LRCH2: variants seen among roughly 807,000 people sequenced by gnomAD.
LRCH2 encodes the protein leucine rich repeats and calponin homology domain containing 2.
A neutral mutation model predicts 68.9 loss-of-function variants in LRCH2; 38 were observed. The ratio of observed to expected loss-of-function variants is 0.55; its 90% CI spans 0.43 to 0.72. The LOEUF (loss-of-function observed/expected upper bound fraction) is 0.72, where lower values mean the gene tolerates loss of function less well. LRCH2 is among the 30% of genes least tolerant of loss of function. LRCH2 has a pLI of 0.00. For missense variants in LRCH2, 528 were observed against 572.9 expected (o/e 0.92, Z 0.80); for synonymous variants, 191 against 208.1 (o/e 0.92, Z 0.71).
At chrX:115,181,846 T>C (rs1556552835) in intron 3 of LRCH2, among the ~76,000 whole-genome samples, 1 of 111,681 alleles carries the variant, frequency 9.0e-6, no homozygotes, top group Non-Finnish European at 1.9e-5. Context: ...GTCCTCTGTA[T>C]CCATGGGTTC....
intron 11 of LRCH2, 98 bp from the exon 12 acceptor site, chrX:115,156,765 A>G: frequency 2.3e-6 from 1 of 427,300 alleles, no homozygotes; most frequent in Non-Finnish European, 3.8e-6. Context: ...CTGGTCCTTG[A>G]AGATCTTTGC....
intron 12 of LRCH2, among the ~76,000 whole-genome samples, chrX:115,155,020 G>A (rs192287697): frequency 2.2e-4 from 17 of 76,945 alleles, no homozygotes; most frequent in African/African-American, 7.8e-4. Context: ...CAGCCTGGGC[G>A]ACAGAGCAAG....
chrX:115,209,321 G>A lies in LRCH2; in HGVS notation c.350-20951C>T, dbSNP rs782009905. ...TCCCACGTGTTGTGGGAGGGACCTG[G>A]TGGGAGTTAATTGAATCACAGGGGC... On this transcript the variant is annotated intron_variant, in intron 1 of 20. Coordinates refer to ENST00000317135, the MANE Select transcript of LRCH2 (RefSeq NM_020871.4). 2.7e-5 allele frequency among the ~76,000 whole-genome samples: 3 copies of A among 112,010 alleles called. No individual in the cohort carries two copies. In the South Asian group the frequency reaches 1.1e-3, roughly 42 times the overall value.
At chrX:115,171,629 A>G (rs374393092) in intron 5 of LRCH2, among the ~76,000 whole-genome samples, 1 of 110,822 alleles carries the variant, frequency 9.0e-6, no homozygotes, top group Admixed American at 9.6e-5. Flanking sequence ...AAATAATTAC[A>G]AAGCTGACAA....
At chrX:115,233,637 C>A in intron 1 of LRCH2, 56 bp downstream of exon 1, 1 of 1,066,313 alleles carries the variant, frequency 9.4e-7, no homozygotes, top group Middle Eastern at 3.5e-4. Context: ...CACGCAGCCA[C>A]CCACTCCCCG....
intron 1 of LRCH2, among the ~76,000 whole-genome samples, chrX:115,220,593 A>G (rs2073071863): frequency 1.8e-5 from 2 of 111,699 alleles, no homozygotes; most frequent in Non-Finnish European, 1.9e-5. Flanking sequence ...GACATGCTAA[A>G]ACACAATTTT....
Position 115,179,657 on chromosome X carries a change from A to C in LRCH2, c.716T>G (p.Val239Gly), listed in dbSNP as rs2072676877. 1 of 1,139,786 alleles carries C rather than the reference A, an allele frequency of 8.8e-7. No homozygotes were observed. Among genetic ancestry groups the C allele is most frequent in the South Asian group, 2.2e-5 (1 of 46,452 alleles). 93.9% of individuals were successfully genotyped at this position (1,139,786 alleles called of 1,213,427 possible). A position where few individuals can be genotyped will look rare whatever the true frequency, so the allele number is the denominator to read the frequency against. ...AGTGAACATCTTACCATCTGGCAAA[A>C]CATGAAGATTATTTCTTCTTATATT... Reference protein sequence around the residue: ...ELNIRRNNLHVLPDELGDLPL... With the variant: ...ELNIRRNNLHGLPDELGDLPL... Residue 239 changes from valine (V) to glycine (G), a missense_variant, in exon 4 of 21, where the codon GTT (valine) becomes GGT (glycine). Val to Gly is a moderately radical substitution (Grantham distance 109). Transcript: ENST00000317135.
rs782055624 is a variant in LRCH2, at chrX:115,191,566, G to A, written c.350-3196C>T. The A allele has an allele frequency of 1.5e-5, 17 of 1,124,293 alleles. No individual in the cohort carries two copies. The highest frequency in any genetic ancestry group is 1.1e-4 in the African/African-American group (6 of 53,406). 92.7% of individuals were successfully genotyped at this position (1,124,293 alleles called of 1,213,427 possible). ...CCGCTATGGAGGAGGCGGCCGCTAC[G>A]AGGAGTACCGAGGCCACTCGCTTGA... On this transcript the variant is annotated intron_variant, in intron 1 of 20. Transcript: ENST00000317135.
At chrX:115,196,760 A>G (rs1327409331) in intron 1 of LRCH2, among the ~76,000 whole-genome samples, 3 of 110,868 alleles carry the variant, frequency 2.7e-5, no homozygotes, top group Non-Finnish European at 3.8e-5. Context: ...TATCACCCAC[A>G]CTACTCCAAC....
intron 15 of LRCH2, among the ~76,000 whole-genome samples, chrX:115,127,283 T>C (rs1393761370): frequency 1.8e-5 from 2 of 112,408 alleles, no homozygotes; most frequent in Non-Finnish European, 3.8e-5. Context: ...TCTGAAAATT[T>C]ACATGTATCT....
At chrX:115,171,713 G>A (rs1466954199) in intron 5 of LRCH2, among the ~76,000 whole-genome samples, 3 of 107,164 alleles carry the variant, frequency 2.8e-5, no homozygotes, top group South Asian at 4.1e-4. Flanking sequence ...GGAAAACAGC[G>A]TCTCATTCTG....
In LRCH2 at chrX:115,130,190, T is replaced by C. The variant is rs782735658; in HGVS notation, c.1705A>G (p.Met569Val). 37 of 1,020,206 alleles carry C rather than the reference T, an allele frequency of 3.6e-5. No individual in the cohort carries two copies. The highest frequency in any genetic ancestry group is 4.7e-5 in the Non-Finnish European group (35 of 746,614). 84.1% of individuals were successfully genotyped at this position (1,020,206 alleles called of 1,213,427 possible). A position where few individuals can be genotyped will look rare whatever the true frequency, so the allele number is the denominator to read the frequency against. ...IRKEYFKYKS[M>V]RKSSSGNEND... ...TCATTGCCACTTGAACTCTTCCTCA[T>C]TGATTTATACTGAAAAATATTTAAA... The change falls in exon 15 of 21, where the codon ATG (methionine) becomes GTG (valine). Residue 569 changes from methionine to valine, a missense_variant. Physicochemically the swap from Met to Val is conservative, Grantham distance 21. Transcript: ENST00000317135.
intron 1 of LRCH2, chrX:115,191,708 T>C (rs1440058324): frequency 8.8e-7 from 1 of 1,130,237 alleles, no homozygotes; most frequent in Non-Finnish European, 1.2e-6. Flanking sequence ...AGTGGCCGCT[T>C]GCCTGACGCC....
chrX:115,144,090 G>A (rs2072362039), intron 14 of LRCH2, among the ~76,000 whole-genome samples: 1 of 111,225 alleles, frequency 9.0e-6, no homozygotes, highest in African/African-American at 3.3e-5. Context: ...TCATGATAGT[G>A]AATAAGTCTC....
chrX:115,214,272 G>C (rs925104325), intron 1 of LRCH2, among the ~76,000 whole-genome samples: 9 of 111,946 alleles, frequency 8.0e-5, no homozygotes, highest in African/African-American at 2.9e-4. Flanking sequence ...GAAAACAGAA[G>C]GCACCACAGC....
intron 5 of LRCH2, among the ~76,000 whole-genome samples, chrX:115,179,074 ATC>A (rs1388613601): frequency 8.9e-6 from 1 of 112,044 alleles, no homozygotes; most frequent in Non-Finnish European, 1.9e-5. Context: ...TTATAATTCC[ATC>A]TCTCAGTGCC....
At chrX:115,154,918 TG>T (rs1556539199) in intron 12 of LRCH2, among the ~76,000 whole-genome samples, 3 of 107,662 alleles carry the variant, frequency 2.8e-5, no homozygotes, top group Non-Finnish European at 3.8e-5. Context: ...CCCAGCATTT[TG>T]GGAGGCTGAG....
intron 3 of LRCH2, among the ~76,000 whole-genome samples, chrX:115,181,922 T>C (rs192621831): frequency 8.9e-6 from 1 of 111,888 alleles, no homozygotes; most frequent in East Asian, 2.8e-4. Context: ...TGGTTGTGCC[T>C]GTACTGAACA....
At chrX:115,217,937 G>A in intron 1 of LRCH2, among the ~76,000 whole-genome samples, 1 of 111,747 alleles carries the variant, frequency 8.9e-6, no homozygotes, top group East Asian at 2.8e-4. Context: ...GGCATGAAAT[G>A]GTATCTCATT....
Sources: gnomAD v4.1 joint callset for allele counts (sites outside exome capture counted in the v4.1 genomes callset) on GRCh38, gnomAD v4.1.1 for gene constraint, MANE v1.5 for transcripts, NCBI Gene and HGNC (gene_info 2026-07-23, HGNC 2026-07-21) for gene names.